Variants in CABIN1 observed in about 807,000 individuals in gnomAD.
CABIN1 encodes calcineurin binding protein 1.
A neutral mutation model predicts 227.7 loss-of-function variants in CABIN1; 133 were observed. The observed-to-expected ratio is 0.58, with a 90% confidence interval of 0.51 to 0.67. CABIN1 has a LOEUF of 0.67. CABIN1 is among the 30% of genes least tolerant of loss of function. CABIN1 has a pLI of 0.00. For missense variants in CABIN1, 2,408 were observed against 2,852.5 expected, an observed-to-expected ratio of 0.84 and a Z score of 3.55; for synonymous variants, 1,086 against 1,155.1, an observed-to-expected ratio of 0.94 and a Z score of 1.21.
intron 29 of CABIN1, among the ~76,000 whole-genome samples, chr22:24,135,138 C>T (rs1569265751): frequency 1.3e-5 from 2 of 151,640 alleles, no homozygotes; most frequent in Non-Finnish European, 1.5e-5. Context: ...CGCCTGTAAT[C>T]CCAGCACTTT....
intron 16 of CABIN1, among the ~76,000 whole-genome samples, chr22:24,068,919 C>CA (rs2039886145): frequency 6.6e-6 from 1 of 152,144 alleles, no homozygotes; most frequent in African/African-American, 2.4e-5. Flanking sequence ...GGCACTGGGC[C>CA]AAGAGGAAGG....
At chr22:24,170,470 C>T (rs1267157948) in intron 33 of CABIN1, among the ~76,000 whole-genome samples, 2 of 152,298 alleles carry the variant, frequency 1.3e-5, no homozygotes, top group South Asian at 2.1e-4. Context: ...CTTCCTCCAG[C>T]GTGTCTGCTC....
At chr22:24,096,841 C>CT in intron 25 of CABIN1, among the ~76,000 whole-genome samples, 1 of 152,372 alleles carries the variant, frequency 6.6e-6, no homozygotes, top group Non-Finnish European at 1.5e-5. Flanking sequence ...CACCCCATCT[C>CT]TGAGTCCGCT....
At chr22:24,093,194 T>C (rs895965965) in intron 24 of CABIN1, among the ~76,000 whole-genome samples, 1 of 152,216 alleles carries the variant, frequency 6.6e-6, no homozygotes, top group Non-Finnish European at 1.5e-5. Flanking sequence ...AGTGTTTGCT[T>C]TCCCTCAGCC....
chr22:24,143,695 G>A (rs1004068402), intron 29 of CABIN1, among the ~76,000 whole-genome samples: 11 of 152,254 alleles, frequency 7.2e-5, no homozygotes, highest in African/African-American at 1.9e-4. Flanking sequence ...GGGCTTGATC[G>A]GGGGGTGCCT....
At chr22:24,033,077 C>T (rs530944337) in intron 1 of CABIN1, among the ~76,000 whole-genome samples, 4 of 152,240 alleles carry the variant, frequency 2.6e-5, no homozygotes, top group African/African-American at 9.6e-5. Context: ...GACTCCGTCT[C>T]AAAGAAACAA....
At chr22:24,170,037 G>A (rs1247564489) in intron 33 of CABIN1, 4 of 440,318 alleles carry the variant, frequency 9.1e-6, no homozygotes, top group African/African-American at 2.0e-5. Flanking sequence ...GGCGACGCCA[G>A]GCCAGGCCCC....
intron 6 of CABIN1, among the ~76,000 whole-genome samples, chr22:24,048,158 TTAA>T (rs1488307455): frequency 6.6e-6 from 1 of 152,220 alleles, no homozygotes; most frequent in Non-Finnish European, 1.5e-5. Context: ...GGCAGTAGCT[TTAA>T]TAATAGGTTT....
Position 24,167,291 on chromosome 22 carries a change from A to G in CABIN1, c.5660A>G (p.Glu1887Gly). Reference protein sequence around the residue: ...DLGRVERIMSETYMLIKQVDE... With the variant: ...DLGRVERIMSGTYMLIKQVDE... ...GGCCGTGTGGAGAGGATCATGTCGG[A>G]GACCTACATGCTCATCAAGCAGGTG... The change falls in exon 32 of 37, where the codon GAG becomes GGG. Residue 1887 changes from glutamate to glycine, a missense_variant. Coordinates refer to ENST00000263119, the MANE Select transcript of CABIN1 (RefSeq NM_012295.4). 2 of 1,612,938 alleles carry G rather than the reference A, an allele frequency of 1.2e-6. No individual in the cohort carries two copies. Among genetic ancestry groups the G allele is most frequent in the Non-Finnish European group, 8.5e-7 (1 of 1,179,796 alleles).
At chr22:24,023,909 T>G (rs775634062) in intron 1 of CABIN1, among the ~76,000 whole-genome samples, 1 of 152,086 alleles carries the variant, frequency 6.6e-6, no homozygotes, top group Non-Finnish European at 1.5e-5. Flanking sequence ...ATTTTTTTAT[T>G]TTTAGTAGAG....
intron 21 of CABIN1, 58 bp from the exon 22 acceptor site, chr22:24,084,948 T>C: frequency 6.2e-7 from 1 of 1,608,088 alleles, no homozygotes; most frequent in Non-Finnish European, 8.5e-7. Context: ...CTGGGTTTAC[T>C]GGTCACATCT....
intron 29 of CABIN1, among the ~76,000 whole-genome samples, chr22:24,162,842 G>A (rs1326282012): frequency 1.3e-5 from 2 of 152,240 alleles, no homozygotes; most frequent in Non-Finnish European, 1.5e-5. Context: ...TGGTGTGTGT[G>A]ATGCAAACTA....
chr22:24,028,838 G>A (rs1430264159), intron 1 of CABIN1, among the ~76,000 whole-genome samples: 1 of 152,034 alleles, frequency 6.6e-6, no homozygotes, highest in Non-Finnish European at 1.5e-5. Context: ...AGATATAGTG[G>A]TACAAAGATA....
intron 24 of CABIN1, 54 bp downstream of exon 24, chr22:24,091,897 TTTATCTCCCTGGGCATG>T: frequency 6.2e-7 from 1 of 1,601,328 alleles, no homozygotes; most frequent in Non-Finnish European, 8.5e-7. Context: ...GGCTGGTTTC[TTTATCTCCCTGGGCATG>T]TGGCTCAAGG....
chr22:24,045,992 A>C (rs940802360), intron 6 of CABIN1, among the ~76,000 whole-genome samples: 1 of 152,270 alleles, frequency 6.6e-6, no homozygotes, highest in African/African-American at 2.4e-5. Context: ...GAACATGTGC[A>C]GCGCCCCAGA....
At chr22:24,154,510 C>T (rs1314549121) in intron 29 of CABIN1, among the ~76,000 whole-genome samples, 1 of 152,192 alleles carries the variant, frequency 6.6e-6, no homozygotes, top group African/African-American at 2.4e-5. Flanking sequence ...GAACTCCTTG[C>T]TTAAGACCCT....
At chr22:24,098,300 G>T (rs2042015653) in intron 26 of CABIN1, 108 bp downstream of exon 26, 1 of 1,589,614 alleles carries the variant, frequency 6.3e-7, no homozygotes, top group Non-Finnish European at 8.5e-7. Flanking sequence ...GGGGTGCTGG[G>T]TCTGGGGTGA....
intron 19 of CABIN1, among the ~76,000 whole-genome samples, chr22:24,076,661 C>A (rs1223805178): frequency 6.6e-6 from 1 of 152,162 alleles, no homozygotes; most frequent in Non-Finnish European, 1.5e-5. Context: ...TCTATTGAGT[C>A]CTGTTTACTA....
chr22:24,124,201 A>C (rs186281425), intron 28 of CABIN1, among the ~76,000 whole-genome samples: 1 of 152,316 alleles, frequency 6.6e-6, no homozygotes, highest in African/African-American at 2.4e-5. Flanking sequence ...ATGAAAGCAG[A>C]ATTATTGTGT....
Sources: gnomAD v4.1 joint callset for allele counts (sites outside exome capture counted in the v4.1 genomes callset) on GRCh38, gnomAD v4.1.1 for gene constraint, MANE v1.5 for transcripts, NCBI Gene and HGNC (gene_info 2026-07-23, HGNC 2026-07-21) for gene names.